LARGE1: variants seen among roughly 807,000 people sequenced by gnomAD.
The protein encoded by LARGE1 is xylosyl- and glucuronyltransferase LARGE1.
Under a neutral mutation model 87.6 loss-of-function variants are expected in LARGE1, and 43 were observed. The observed-to-expected ratio is 0.49, with a 90% CI of 0.38 to 0.63. LARGE1 has a LOEUF of 0.63. Among genes scored for constraint, LARGE1 ranks in the 30% least tolerant of loss-of-function variants. The pLI, the probability that LARGE1 is intolerant of heterozygous loss-of-function variation, is 0.00. For synonymous variants in LARGE1, 434 were observed against 394.6 expected, an observed-to-expected ratio of 1.10 and a Z score of -1.18; for missense variants, 802 against 1,000.2, an observed-to-expected ratio of 0.80 and a Z score of 2.67.
At chr22:33,338,712 C>A (rs1199929417) in intron 9 of LARGE1, among the ~76,000 whole-genome samples, 1 of 152,140 alleles carries the variant, frequency 6.6e-6, no homozygotes, top group African/African-American at 2.4e-5. Flanking sequence ...CTGGTTCTGA[C>A]TACTGAGTGC....
At chr22:33,445,767 A>G (rs960335734) in intron 6 of LARGE1, among the ~76,000 whole-genome samples, 1 of 151,300 alleles carries the variant, frequency 6.6e-6, no homozygotes, top group African/African-American at 2.4e-5. Context: ...CTCCTGTCTC[A>G]GCCTCCTGAG....
At chr22:33,271,694 C>T (rs1264993690), downstream of LARGE1, among the ~76,000 whole-genome samples, 2 of 152,254 alleles carry the variant, frequency 1.3e-5, no homozygotes, top group African/African-American at 2.4e-5. Flanking sequence ...CAGCTCCCCA[C>T]ACATAAGCTG....
intron 4 of LARGE1, among the ~76,000 whole-genome samples, chr22:33,608,398 G>T (rs1229901014): frequency 2.0e-5 from 3 of 152,064 alleles, no homozygotes; most frequent in Non-Finnish European, 4.4e-5. Context: ...AATTCCCTTT[G>T]TAAGTCATCT....
chr22:33,746,310 T>G (rs2084082706), intron 2 of LARGE1: 1 of 152,214 alleles, frequency 6.6e-6, no homozygotes, highest in Non-Finnish European at 1.5e-5. Flanking sequence ...TTACTACAAG[T>G]CAAGGACTTG....
At chr22:33,850,563 A>T (rs1476392644) in intron 1 of LARGE1, among the ~76,000 whole-genome samples, 1 of 152,210 alleles carries the variant, frequency 6.6e-6, no homozygotes, top group Non-Finnish European at 1.5e-5. Context: ...CACCTAATAA[A>T]TGACAGACAG....
rs74464835 is a variant in LARGE1 at position 33,771,761 on chromosome 22, C to T, written c.-82-10203G>A. Among the ~76,000 whole-genome samples the T allele has an allele frequency of 7.0e-3, 1,073 of 152,254 alleles. 69 individuals carry two copies. In the East Asian group the frequency reaches 0.16, roughly 23 times the overall value. On this transcript the variant is annotated intron_variant, in intron 1 of 14. Coordinates refer to ENST00000397394, the MANE Select transcript of LARGE1 (RefSeq NM_133642.5). ...GGATAAACCCACATGCATCTCAGAC[C>T]TCAACTCCTGATTTCCTCCTCCAAA...
chr22:33,447,040 C>T (rs970777443), intron 6 of LARGE1, among the ~76,000 whole-genome samples: 2 of 152,170 alleles, frequency 1.3e-5, no homozygotes, highest in East Asian at 1.9e-4. Context: ...ACTACAGGCA[C>T]GCCACACTGC....
At chr22:33,257,328 T>C (rs1236252513) in intron 11 of LARGE1, among the ~76,000 whole-genome samples, 6 of 150,828 alleles carry the variant, frequency 4.0e-5, no homozygotes, top group Middle Eastern at 6.9e-3. Context: ...AGCCCAGGAG[T>C]TTGAGACCAG....
intron 2 of LARGE1, among the ~76,000 whole-genome samples, chr22:33,707,056 A>C (rs916844507): frequency 6.6e-6 from 1 of 152,238 alleles, no homozygotes; most frequent in African/African-American, 2.4e-5. Flanking sequence ...TGAAAAAGCA[A>C]CCATCACCCC....
In LARGE1 at chr22:33,402,111, T is replaced by C. The variant is rs184007507; in HGVS notation, c.893-17807A>G. 4.6e-5 allele frequency among the ~76,000 whole-genome samples: 7 copies of C among 152,346 alleles called. No individual in the cohort carries two copies. The East Asian group carries it at 1.4e-3, about 29-fold the overall frequency. On this transcript the variant is annotated intron_variant, in intron 7 of 14. Coordinates refer to ENST00000397394, the MANE Select transcript of LARGE1 (RefSeq NM_133642.5). ...AAATTGGTATGTTTATGCTTGTTTT[T>C]ACAAACAAGGAAACTGAGGCTCGGA... is the stretch of plus-strand genomic sequence containing the variant.
intron 11 of LARGE1, among the ~76,000 whole-genome samples, chr22:33,310,296 G>A (rs8138713): frequency 0.16 from 23,637 of 152,120 alleles, 2,023 homozygotes; most frequent in South Asian, 0.25. Flanking sequence ...TCCCCATGAG[G>A]CCCCGCAACT....
At position 33,892,529 on chromosome 22, in the gene LARGE1, G is replaced by A. The variant is rs78174966; in HGVS notation, c.-83+27466C>T. Among the ~76,000 whole-genome samples, 982 of 152,338 alleles carry A rather than the reference G, an allele frequency of 6.4e-3. 15 individuals carry two copies. Among genetic ancestry groups the A allele is most frequent in the African/African-American group, 0.023 (943 of 41,582 alleles). ...GTTGGGTAGGAAATCAGAAACGTGT[G>A]AAGATTTGAGGCCACAAATGCAATC... is the stretch of plus-strand genomic sequence containing the variant. On this transcript the variant is annotated intron_variant, in intron 1 of 14. Coordinates refer to ENST00000397394, the MANE Select transcript of LARGE1 (RefSeq NM_133642.5).
intron 12 of LARGE1, among the ~76,000 whole-genome samples, chr22:33,288,942 T>C (rs1397984417): frequency 6.6e-6 from 1 of 151,294 alleles, no homozygotes; most frequent in Non-Finnish European, 1.5e-5. Flanking sequence ...GTATATTGGA[T>C]CAAGGAATTA....
intron 1 of LARGE1, among the ~76,000 whole-genome samples, chr22:33,917,218 A>C (rs562839231): frequency 1.3e-5 from 2 of 152,330 alleles, no homozygotes; most frequent in East Asian, 3.9e-4. Flanking sequence ...TTCTAAACTA[A>C]GCAGGCTCTT....
chr22:33,202,926 G>C (rs767554600), intron 11 of LARGE1, among the ~76,000 whole-genome samples: 2 of 152,202 alleles, frequency 1.3e-5, no homozygotes, highest in African/African-American at 2.4e-5. Context: ...GCAGGAATTA[G>C]CTAAGTTCTT....
At chr22:33,264,359 G>C (rs4821137) in intron 11 of LARGE1, among the ~76,000 whole-genome samples, 72,026 of 152,154 alleles carry the variant, frequency 0.47, 17,408 homozygotes, top group South Asian at 0.56. Flanking sequence ...CTTCTCCATA[G>C]GAGGCACACA....
chr22:33,886,242 G>T (rs768723124), intron 1 of LARGE1, among the ~76,000 whole-genome samples: 4 of 152,120 alleles, frequency 2.6e-5, no homozygotes, highest in Non-Finnish European at 4.4e-5. Context: ...TACACTTGGG[G>T]ACTCAGACAC....
chr22:33,870,325 G>C (rs183262073), intron 1 of LARGE1, among the ~76,000 whole-genome samples: 2 of 152,180 alleles, frequency 1.3e-5, no homozygotes, highest in Non-Finnish European at 2.9e-5. Flanking sequence ...TCTCATTTCT[G>C]TTGTTTTGAG....
chr22:33,569,585 G>T (rs924542872), intron 5 of LARGE1, among the ~76,000 whole-genome samples: 2 of 152,152 alleles, frequency 1.3e-5, no homozygotes, highest in Admixed American at 6.5e-5. Context: ...TAAGAAGCAG[G>T]TACATTTATT....
Sources: allele counts gnomAD v4.1 joint callset (sites outside exome capture counted in the v4.1 genomes callset), GRCh38; gene constraint gnomAD v4.1.1; transcripts MANE v1.5; gene names NCBI Gene and HGNC (gene_info 2026-07-23, HGNC 2026-07-21).